Variants in SLC25A26 observed in about 807,000 individuals in gnomAD.
SLC25A26 encodes mitochondrial S-adenosylmethionine carrier protein.
Under a neutral mutation model 37.8 loss-of-function variants are expected in SLC25A26, and 36 were observed. The ratio of observed to expected loss-of-function variants is 0.95; its 90% CI spans 0.73 to 1.26. The LOEUF (loss-of-function observed/expected upper bound fraction) is 1.26. Ranked by LOEUF, SLC25A26 falls within the 50% of genes most tolerant of loss-of-function variation. The probability of loss-of-function intolerance (pLI) is 0.00; values close to 1 mark genes in which losing one functional copy is unlikely to be tolerated. For synonymous variants in SLC25A26, 129 were observed against 122.5 expected, an observed-to-expected ratio of 1.05 and a Z score of -0.35; for missense variants, 390 against 331.1, an observed-to-expected ratio of 1.18 and a Z score of -1.38.
intron 1 of SLC25A26, among the ~76,000 whole-genome samples, chr3:66,156,271 T>G (rs1367054074): frequency 6.6e-6 from 1 of 152,218 alleles, no homozygotes; most frequent in African/African-American, 2.4e-5. Flanking sequence ...CTGTTCCAGA[T>G]GCTGGGGTTA....
chr3:66,335,404 T>C (rs1394273627), intron 5 of SLC25A26, among the ~76,000 whole-genome samples: 1 of 152,194 alleles, frequency 6.6e-6, no homozygotes, highest in African/African-American at 2.4e-5. Flanking sequence ...GAATGGGATT[T>C]ATTTTTGTGT....
Position 66,370,392 on chromosome 3 carries a change from C to T in SLC25A26, c.634-137C>T, listed in dbSNP as rs562470474. 2.5e-5 allele frequency: 19 copies of T among 766,914 alleles called. 1 individual carries two copies. The South Asian group carries it at 2.7e-4, about 11-fold the overall frequency. The allele number at this position is 766,914 out of a possible 1,614,324, so 47.5% of individuals were successfully genotyped here. A position where few individuals can be genotyped will look rare whatever the true frequency, so the allele number is the denominator to read the frequency against. ...GGGCGAGCGAGCCAGGTCCTGATTGCCAAGAAACTCCCTGGTATCTGACAC... is the reference window on the plus strand; with the variant it reads ...GGGCGAGCGAGCCAGGTCCTGATTGTCAAGAAACTCCCTGGTATCTGACAC... On this transcript the variant is annotated intron_variant, in intron 8 of 9. Transcript: ENST00000354883.
chr3:66,311,656 C>G (rs2075381508), intron 5 of SLC25A26, among the ~76,000 whole-genome samples: 1 of 151,968 alleles, frequency 6.6e-6, no homozygotes, highest in African/African-American at 2.4e-5. Context: ...ACGCGGATGA[C>G]TTTTGGATAG....
intron 5 of SLC25A26, among the ~76,000 whole-genome samples, chr3:66,337,296 G>A (rs182031039): frequency 4.2e-4 from 64 of 152,134 alleles, no homozygotes; most frequent in Non-Finnish European, 8.5e-4. Context: ...TTAACGCTTG[G>A]TCTTAGCCTA....
At chr3:66,368,225 A>T (rs979454019) in intron 7 of SLC25A26, among the ~76,000 whole-genome samples, 1 of 152,340 alleles carries the variant, frequency 6.6e-6, no homozygotes, top group South Asian at 2.1e-4. Flanking sequence ...TGTTGCCCTT[A>T]TAACACTGCC....
intron 3 of SLC25A26, among the ~76,000 whole-genome samples, chr3:66,258,454 T>C (rs1271063788): frequency 6.6e-6 from 1 of 152,196 alleles, no homozygotes; most frequent in Non-Finnish European, 1.5e-5. Context: ...TGACTTAATG[T>C]CATTTGTAGT....
upstream of SLC25A26, chr3:66,220,888 C>T (rs2071453173): frequency 3.2e-6 from 2 of 617,004 alleles, no homozygotes; most frequent in Non-Finnish European, 5.7e-6. Context: ...TTAGCTCCAC[C>T]ACACTCCCCG....
rs143131596 is a variant in SLC25A26 at position 66,141,405 on chromosome 3, G to C, written c.-354+7421G>C. Among the ~76,000 whole-genome samples, 13 of 151,934 alleles carry C rather than the reference G, an allele frequency of 8.6e-5. No homozygotes were observed. The East Asian group carries it at 2.5e-3, about 29-fold the overall frequency. ...CCACACTCAACTCCTACCAAAGAAA[G>C]TTTTCAAATAATTGCATAAGACAAA... On this transcript the variant is annotated intron_variant, in intron 1 of 10. Transcript: ENST00000676754.
intron 1 of SLC25A26, among the ~76,000 whole-genome samples, chr3:66,171,431 C>T (rs542484803): frequency 2.0e-5 from 3 of 152,220 alleles, no homozygotes; most frequent in Admixed American, 2.0e-4. Context: ...ATAAACCTTC[C>T]CCTACTTTTT....
intron 1 of SLC25A26, among the ~76,000 whole-genome samples, chr3:66,230,384 T>C (rs1576667868): frequency 1.3e-5 from 2 of 152,154 alleles, no homozygotes; most frequent in East Asian, 3.9e-4. Flanking sequence ...ATGAGGAATG[T>C]GGCATTGGGT....
At chr3:66,262,255 T>C (rs950202611) in intron 4 of SLC25A26, 100 bp downstream of exon 4, 9 of 563,644 alleles carry the variant, frequency 1.6e-5, no homozygotes, top group African/African-American at 9.9e-5. Context: ...GAGAAAACTT[T>C]AGAGCTAAAT....
At chr3:66,297,950 G>A (rs1002719691) in intron 5 of SLC25A26, among the ~76,000 whole-genome samples, 6 of 152,112 alleles carry the variant, frequency 3.9e-5, no homozygotes, top group Non-Finnish European at 7.3e-5. Context: ...TCATTTCCTC[G>A]TTATCAAATT....
intron 5 of SLC25A26, among the ~76,000 whole-genome samples, chr3:66,266,150 C>G (rs1469300510): frequency 7.6e-6 from 1 of 132,030 alleles, no homozygotes; most frequent in African/African-American, 3.3e-5. Flanking sequence ...TTGAGGTCTT[C>G]TGCATTATGC....
At chr3:66,274,305 A>G (rs57593987) in intron 5 of SLC25A26, among the ~76,000 whole-genome samples, 3 of 151,946 alleles carry the variant, frequency 2.0e-5, no homozygotes, top group African/African-American at 7.3e-5. Context: ...CCCTAGAAGA[A>G]AACCTAGGCA....
chr3:66,319,248 G>T (rs1575559578), intron 5 of SLC25A26, among the ~76,000 whole-genome samples: 2 of 150,878 alleles, frequency 1.3e-5, no homozygotes, highest in Non-Finnish European at 3.0e-5. Context: ...TTATATAATT[G>T]TTTTTTTTTC....
chr3:66,157,882 T>G (rs1286956910), intron 1 of SLC25A26, among the ~76,000 whole-genome samples: 1 of 152,214 alleles, frequency 6.6e-6, no homozygotes, highest in Non-Finnish European at 1.5e-5. Flanking sequence ...AACTTTCTAT[T>G]CAAATTCAGA....
At chr3:66,295,796 C>T (rs72902933) in intron 5 of SLC25A26, among the ~76,000 whole-genome samples, 2,216 of 151,824 alleles carry the variant, frequency 0.015, 62 homozygotes, top group African/African-American at 0.05. Context: ...CCGTGCCCGG[C>T]CATGTGTGTG....
At chr3:66,351,423 T>C (rs1223109259) in intron 6 of SLC25A26, among the ~76,000 whole-genome samples, 2 of 152,210 alleles carry the variant, frequency 1.3e-5, no homozygotes, top group Non-Finnish European at 2.9e-5. Context: ...ATATTTACTT[T>C]GGAACTTTCT....
intron 9 of SLC25A26, among the ~76,000 whole-genome samples, chr3:66,376,228 T>C (rs780288912): frequency 6.6e-6 from 1 of 152,068 alleles, no homozygotes; most frequent in Non-Finnish European, 1.5e-5. Flanking sequence ...CGGTGAACAC[T>C]GTTGAAATTA....
Sources: allele counts gnomAD v4.1 joint callset (sites outside exome capture counted in the v4.1 genomes callset), GRCh38; gene constraint gnomAD v4.1.1; transcripts MANE v1.5; gene names NCBI Gene and HGNC (gene_info 2026-07-23, HGNC 2026-07-21).